The following PTPRT variants were observed in gnomAD, a reference collection of about 807,000 sequenced individuals.
The protein encoded by PTPRT is protein tyrosine phosphatase receptor type T.
PTPRT carries 56 observed loss-of-function variants against 176.8 expected under a neutral mutation model. The observed-to-expected ratio is 0.32, with a 90% CI of 0.26 to 0.40. The LOEUF is 0.40. Among genes scored for constraint, PTPRT ranks in the 10% least tolerant of loss-of-function variants. PTPRT has a pLI of 1.00. For missense variants in PTPRT, 1,540 were observed against 1,908.2 expected, an observed-to-expected ratio of 0.81 and a Z score of 3.60; for synonymous variants, 783 against 739.0, an observed-to-expected ratio of 1.06 and a Z score of -0.96.
chr20:42,929,716 C>T (rs1214603198), intron 1 of PTPRT, among the ~76,000 whole-genome samples: 1 of 152,210 alleles, frequency 6.6e-6, no homozygotes, highest in Non-Finnish European at 1.5e-5. Flanking sequence ...TAGCGGAGAA[C>T]ATTTTCCCCT....
chr20:42,685,844 T>C (rs1452678919), intron 6 of PTPRT: 1 of 152,206 alleles, frequency 6.6e-6, no homozygotes, highest in Non-Finnish European at 1.5e-5. Flanking sequence ...AAGGTTTTTA[T>C]ATATTTCAAG....
intron 1 of PTPRT, among the ~76,000 whole-genome samples, chr20:43,116,417 C>T (rs2013061482): frequency 6.6e-6 from 1 of 152,202 alleles, no homozygotes; most frequent in Non-Finnish European, 1.5e-5. Context: ...GTGTTATTAC[C>T]ATCAATATCC....
At chr20:43,028,385 C>T (rs1041383276) in intron 1 of PTPRT, among the ~76,000 whole-genome samples, 1 of 152,146 alleles carries the variant, frequency 6.6e-6, no homozygotes, top group African/African-American at 2.4e-5. Flanking sequence ...TGGTTCCCCT[C>T]CCACCTCCCA....
At chr20:42,951,275 G>A (rs1981228709) in intron 1 of PTPRT, among the ~76,000 whole-genome samples, 1 of 151,834 alleles carries the variant, frequency 6.6e-6, no homozygotes, top group Non-Finnish European at 1.5e-5. Flanking sequence ...GGATGGAGAT[G>A]AATTATAAAT....
At chr20:42,129,599 T>A (rs780972189) in intron 18 of PTPRT, among the ~76,000 whole-genome samples, 2 of 152,066 alleles carry the variant, frequency 1.3e-5, no homozygotes, top group Non-Finnish European at 2.9e-5. Flanking sequence ...TTCGGTCTGG[T>A]TGGGAGGAGG....
chr20:43,172,302 G>A (rs59541757), intron 1 of PTPRT, among the ~76,000 whole-genome samples: 1,574 of 152,310 alleles, frequency 0.01, 38 homozygotes, highest in African/African-American at 0.036. Context: ...TAAAGTAACA[G>A]CTATAAAATG....
At chr20:42,854,592 CA>C (rs1395561789) in intron 2 of PTPRT, among the ~76,000 whole-genome samples, 1 of 152,216 alleles carries the variant, frequency 6.6e-6, no homozygotes, top group Non-Finnish European at 1.5e-5. Flanking sequence ...GTCAGATGAT[CA>C]CATCTCCCTC....
chr20:42,277,374 G>A (rs937098659), intron 13 of PTPRT, among the ~76,000 whole-genome samples: 11 of 152,170 alleles, frequency 7.2e-5, no homozygotes, highest in Middle Eastern at 3.2e-3. Context: ...CGCACCCAGC[G>A]GGAGTCTGCA....
intron 2 of PTPRT, among the ~76,000 whole-genome samples, chr20:42,872,231 G>C (rs6030537): frequency 2.0e-4 from 30 of 152,318 alleles, no homozygotes; most frequent in African/African-American, 7.2e-4. Flanking sequence ...TCAAAACTAG[G>C]TAGATGAAGA....
At chr20:42,984,676 A>G (rs1044942891) in intron 1 of PTPRT, among the ~76,000 whole-genome samples, 1 of 152,210 alleles carries the variant, frequency 6.6e-6, no homozygotes, top group African/African-American at 2.4e-5. Flanking sequence ...GGTAGGAATC[A>G]TTGCTTTTAT....
At chr20:42,124,639 G>A (rs1987761942) in intron 19 of PTPRT, among the ~76,000 whole-genome samples, 1 of 152,208 alleles carries the variant, frequency 6.6e-6, no homozygotes, top group African/African-American at 2.4e-5. Flanking sequence ...GAGCCAGGAA[G>A]GATTGTGGCT....
chr20:42,794,022 C>G (rs1247565619), intron 2 of PTPRT, among the ~76,000 whole-genome samples: 2 of 152,170 alleles, frequency 1.3e-5, no homozygotes, highest in Non-Finnish European at 2.9e-5. Flanking sequence ...TCCTTACAAT[C>G]CACTGTAGAG....
chr20:42,146,689 T>A (rs1988884652), intron 17 of PTPRT, among the ~76,000 whole-genome samples: 2 of 152,218 alleles, frequency 1.3e-5, no homozygotes, highest in African/African-American at 4.8e-5. Flanking sequence ...TCCCCTCCAA[T>A]CCATTCTCCA....
intron 5 of PTPRT, among the ~76,000 whole-genome samples, chr20:42,761,555 T>C (rs916984707): frequency 6.6e-6 from 1 of 152,256 alleles, no homozygotes; most frequent in African/African-American, 2.4e-5. Context: ...TTAACAAACC[T>C]TCCTGGGGAT....
In PTPRT at chr20:43,170,165, G is replaced by T. The variant is rs561895067; in HGVS notation, c.88+19481C>A. 2.9e-4 allele frequency among the ~76,000 whole-genome samples: 43 copies of T among 148,768 alleles called. 1 individual carries two copies. The South Asian group carries it at 8.6e-3, about 30-fold the overall frequency. ...AGGAATTTCCCCCGTATATATACTCGATATATATACGGGGGAAATTCCTTA... is the reference window on the plus strand; with the variant it reads ...AGGAATTTCCCCCGTATATATACTCTATATATATACGGGGGAAATTCCTTA... On this transcript the variant is annotated intron_variant, in intron 1 of 30. Transcript: ENST00000373187.
At chr20:42,861,891 G>C (rs1181327363) in intron 2 of PTPRT, among the ~76,000 whole-genome samples, 4 of 152,036 alleles carry the variant, frequency 2.6e-5, no homozygotes, top group Non-Finnish European at 2.9e-5. Context: ...AAACAGACCA[G>C]GGTATCACCA....
At chr20:42,148,008 G>T (rs1260317110) in intron 17 of PTPRT, among the ~76,000 whole-genome samples, 2 of 152,188 alleles carry the variant, frequency 1.3e-5, no homozygotes, top group Non-Finnish European at 2.9e-5. Flanking sequence ...TTCAAAGTGA[G>T]CAAGCTAAGG....
intron 1 of PTPRT, among the ~76,000 whole-genome samples, chr20:42,906,930 T>C (rs1300971019): frequency 2.0e-5 from 3 of 152,128 alleles, no homozygotes; most frequent in Non-Finnish European, 2.9e-5. Flanking sequence ...GTTTCCTCCA[T>C]ACTGTCAACC....
At chr20:42,768,575 T>C (rs2077018344) in intron 5 of PTPRT, among the ~76,000 whole-genome samples, 1 of 152,230 alleles carries the variant, frequency 6.6e-6, no homozygotes, top group African/African-American at 2.4e-5. Flanking sequence ...GTTTCCTTTA[T>C]TCCACTAGTG....
Sources: gnomAD v4.1 joint callset for allele counts (sites outside exome capture counted in the v4.1 genomes callset) on GRCh38, gnomAD v4.1.1 for gene constraint, MANE v1.5 for transcripts, NCBI Gene and HGNC (gene_info 2026-07-23, HGNC 2026-07-21) for gene names.